Variants in GPR63 observed in about 807,000 individuals in gnomAD.
GPR63 encodes probable G protein-coupled receptor 63.
GPR63 carries 12 observed loss-of-function variants against 23.1 expected under a neutral mutation model. The ratio of observed to expected loss-of-function variants is 0.52; its 90% CI spans 0.33 to 0.84. GPR63 has a LOEUF of 0.84. Among genes scored for constraint, GPR63 ranks in the 40% least tolerant of loss-of-function variants. GPR63 has a pLI of 0.02. For synonymous variants in GPR63, 172 were observed against 191.1 expected, an observed-to-expected ratio of 0.90 and a Z score of 0.82; for missense variants, 472 against 515.6, an observed-to-expected ratio of 0.92 and a Z score of 0.82.
At chr6:96,803,798 A>G (rs2127945511) in intron 1 of GPR63, among the ~76,000 whole-genome samples, 1 of 152,364 alleles carries the variant, frequency 6.6e-6, no homozygotes, top group South Asian at 2.1e-4. Flanking sequence ...GAAATAGGAC[A>G]GTAACAGCAT....
Position 96,831,780 on chromosome 6 carries a change from C to G in GPR63, c.-151+5488G>C, listed in dbSNP as rs143005259. On this transcript the variant is annotated intron_variant, in intron 1 of 1. Transcript: ENST00000229955. ...AATTAGCCAGGCACAGTGATCGGCA[C>G]CAGTAATCCCAGGTACTCAGGAGGC... 5.3e-4 allele frequency among the ~76,000 whole-genome samples: 81 copies of G among 152,060 alleles called. No individual in the cohort carries two copies. The highest frequency in any genetic ancestry group is 9.3e-4 in the Non-Finnish European group (63 of 67,982).
chr6:96,832,077 T>C (rs1774599151), intron 1 of GPR63, among the ~76,000 whole-genome samples: 1 of 151,974 alleles, frequency 6.6e-6, no homozygotes, highest in African/African-American at 2.4e-5. Context: ...ACAAGGGAAG[T>C]GGTTCATCTT....
chr6:96,827,327 T>G (rs1774468422), intron 1 of GPR63, among the ~76,000 whole-genome samples: 1 of 151,904 alleles, frequency 6.6e-6, no homozygotes, highest in Non-Finnish European at 1.5e-5. Context: ...AGTTAGAACA[T>G]AAGAAATTTT....
At chr6:96,830,159 CAG>C (rs1478072297) in intron 1 of GPR63, among the ~76,000 whole-genome samples, 8 of 152,096 alleles carry the variant, frequency 5.3e-5, no homozygotes, top group Non-Finnish European at 7.4e-5. Context: ...AATGAGTAGA[CAG>C]AGGAATTCTA....
intron 1 of GPR63, among the ~76,000 whole-genome samples, chr6:96,800,959 C>G (rs978502470): frequency 6.6e-6 from 1 of 152,124 alleles, no homozygotes. Flanking sequence ...AATTTCTTAC[C>G]CAGATTTCTG....
intron 1 of GPR63, among the ~76,000 whole-genome samples, chr6:96,803,814 C>T (rs1479465268): frequency 6.6e-6 from 1 of 152,174 alleles, no homozygotes; most frequent in Non-Finnish European, 1.5e-5. Flanking sequence ...AGCATGAGAG[C>T]AACAGACAGC....
At chr6:96,815,963 A>G (rs1474884316) in intron 1 of GPR63, among the ~76,000 whole-genome samples, 1 of 152,182 alleles carries the variant, frequency 6.6e-6, no homozygotes, top group Non-Finnish European at 1.5e-5. Context: ...CATACCAGAT[A>G]CCAAGACAGA....
At chr6:96,816,023 T>C (rs1289659554) in intron 1 of GPR63, among the ~76,000 whole-genome samples, 1 of 152,142 alleles carries the variant, frequency 6.6e-6, no homozygotes, top group African/African-American at 2.4e-5. Context: ...TATTAAAACA[T>C]TATAAAGATT....
At chr6:96,825,350 G>C (rs530242989) in intron 1 of GPR63, among the ~76,000 whole-genome samples, 1 of 151,920 alleles carries the variant, frequency 6.6e-6, no homozygotes, top group Non-Finnish European at 1.5e-5. Flanking sequence ...ATAGGGTCTG[G>C]GAGAAACAAC....
intron 1 of GPR63, among the ~76,000 whole-genome samples, chr6:96,809,107 A>G (rs2127948671): frequency 6.6e-6 from 1 of 152,102 alleles, no homozygotes; most frequent in Non-Finnish European, 1.5e-5. Flanking sequence ...AAAATTTTCA[A>G]AACCAACCTC....
chr6:96,798,625 C>G lies in GPR63; in HGVS notation c.1107G>C (p.Leu369=), dbSNP rs765668470. Residue 369 remains leucine, a synonymous_variant, in exon 2 of 2, where the codon CTG becomes CTC. Coordinates refer to ENST00000229955, the MANE Select transcript of GPR63 (RefSeq NM_030784.4). ...ATTTCTTAATCCTCCAGTAGTAGAT[C>G]AGCGGATTCAATGCAGACTTGAGGT... ...LCYLKSALNP[L]IYYWRIKKFH... is the part of the protein sequence containing the mutation. 11 of 1,614,162 alleles carry G rather than the reference C, an allele frequency of 6.8e-6. No homozygotes were observed. The South Asian group carries it at 1.2e-4, about 18-fold the overall frequency.
At chr6:96,815,698 T>C (rs1774147241) in intron 1 of GPR63, among the ~76,000 whole-genome samples, 1 of 152,218 alleles carries the variant, frequency 6.6e-6, no homozygotes, top group African/African-American at 2.4e-5. Context: ...CTCTTCAGGA[T>C]GTATATGTTA....
At chr6:96,836,035 G>C (rs1440425482) in intron 1 of GPR63, among the ~76,000 whole-genome samples, 1 of 151,904 alleles carries the variant, frequency 6.6e-6, no homozygotes, top group Non-Finnish European at 1.5e-5. Flanking sequence ...CTAAAATTTT[G>C]GCTATGCAAC....
intron 1 of GPR63, among the ~76,000 whole-genome samples, chr6:96,807,198 T>C (rs997624521): frequency 2.0e-5 from 3 of 152,184 alleles, no homozygotes; most frequent in Non-Finnish European, 4.4e-5. Context: ...TCTATTGAGA[T>C]CAATCAACCT....
At chr6:96,835,149 G>T (rs1015463485) in intron 1 of GPR63, among the ~76,000 whole-genome samples, 1 of 152,126 alleles carries the variant, frequency 6.6e-6, no homozygotes, top group African/African-American at 2.4e-5. Context: ...CTTGTTAAGA[G>T]TTCGAGAACA....
At chr6:96,814,803 C>T (rs1774122944) in intron 1 of GPR63, among the ~76,000 whole-genome samples, 1 of 151,968 alleles carries the variant, frequency 6.6e-6, no homozygotes, top group Non-Finnish European at 1.5e-5. Context: ...AGCATGAGAG[C>T]CAATAATGTG....
chr6:96,825,598 A>G (rs1413311364), intron 1 of GPR63, among the ~76,000 whole-genome samples: 3 of 152,120 alleles, frequency 2.0e-5, no homozygotes, highest in Non-Finnish European at 4.4e-5. Flanking sequence ...GTATGCTTCA[A>G]AGATTATTTC....
chr6:96,837,170 C>T (rs927378606), intron 1 of GPR63, 98 bp downstream of exon 1: 1 of 152,424 alleles, frequency 6.6e-6, no homozygotes, highest in African/African-American at 2.4e-5. Context: ...AACTGCTCGC[C>T]CTGCCCAGCG....
At chr6:96,799,914 G>T (rs1773718691) in intron 1 of GPR63, 33 bp from the exon 2 acceptor site, 2 of 629,048 alleles carry the variant, frequency 3.2e-6, no homozygotes, top group Non-Finnish European at 5.7e-6. Context: ...AAAAGTAAAT[G>T]AGAAATGAGA....
Sources: gnomAD v4.1 joint callset for allele counts (sites outside exome capture counted in the v4.1 genomes callset) on GRCh38, gnomAD v4.1.1 for gene constraint, MANE v1.5 for transcripts, NCBI Gene and HGNC (gene_info 2026-07-23, HGNC 2026-07-21) for gene names.